Variants in ZBTB8A observed in about 807,000 individuals in gnomAD.
The protein encoded by ZBTB8A is zinc finger and BTB domain containing 8A.
Under a neutral mutation model 37.8 loss-of-function variants are expected in ZBTB8A, and 19 were observed. The observed-to-expected ratio is 0.50, with a 90% CI of 0.35 to 0.74. ZBTB8A has a LOEUF of 0.74. Among genes scored for constraint, ZBTB8A ranks in the 30% least tolerant of loss-of-function variants. ZBTB8A has a pLI of 0.01. For synonymous variants in ZBTB8A, 181 were observed against 185.2 expected, an observed-to-expected ratio of 0.98 and a Z score of 0.19; for missense variants, 394 against 537.8, an observed-to-expected ratio of 0.73 and a Z score of 2.65.
intron 2 of ZBTB8A, among the ~76,000 whole-genome samples, chr1:32,582,923 C>T (rs1374841699): frequency 6.6e-6 from 1 of 152,012 alleles, no homozygotes; most frequent in Non-Finnish European, 1.5e-5. Context: ...TTTGGGATTT[C>T]GAAGCCCATT....
chr1:32,543,927 C>T (rs374278657), intron 1 of ZBTB8A, among the ~76,000 whole-genome samples: 1 of 152,166 alleles, frequency 6.6e-6, no homozygotes, highest in Non-Finnish European at 1.5e-5. Flanking sequence ...CCGCCCGCCT[C>T]GGCCTCCCAA....
At chr1:32,562,120 TG>T (rs1387876475) in intron 2 of ZBTB8A, among the ~76,000 whole-genome samples, 7 of 144,348 alleles carry the variant, frequency 4.8e-5, no homozygotes, top group Admixed American at 2.7e-4. Context: ...AATTTTTGTT[TG>T]TTTTTTTTTT....
At chr1:32,597,286 C>T (rs1416337542) in intron 4 of ZBTB8A, among the ~76,000 whole-genome samples, 1 of 152,088 alleles carries the variant, frequency 6.6e-6, no homozygotes, top group African/African-American at 2.4e-5. Context: ...TGAGCCACCA[C>T]GTCTGCTGGT....
Position 32,551,025 on chromosome 1 carries a change from GC to G in ZBTB8A, c.-83-2431del, listed in dbSNP as rs1409666883. 2.0e-5 allele frequency among the ~76,000 whole-genome samples: 3 copies of G among 151,494 alleles called. No individual in the cohort carries two copies. In the East Asian group the frequency reaches 5.8e-4, roughly 29 times the overall value. On this transcript the variant is annotated intron_variant, in intron 1 of 4. Transcript: ENST00000373510. ...CAGTACGCTGGACAGTAGTTAATAT[GC>G]CCTTAAGTGGCAGTGTTGAAGCAGT...
chr1:32,599,903 G>T (rs1644562754), intron 4 of ZBTB8A, among the ~76,000 whole-genome samples, 184 bp from the exon 5 acceptor site: 1 of 152,070 alleles, frequency 6.6e-6, no homozygotes, highest in Admixed American at 6.6e-5. Context: ...AGAGAAAGCT[G>T]ATGTTTAATA....
chr1:32,541,654 C>G (rs1644055657), intron 1 of ZBTB8A, among the ~76,000 whole-genome samples: 1 of 152,192 alleles, frequency 6.6e-6, no homozygotes, highest in African/African-American at 2.4e-5. Flanking sequence ...GTGAGGGCTG[C>G]TCTTTGCTTC....
At chr1:32,578,109 C>G (rs1020557728) in intron 2 of ZBTB8A, among the ~76,000 whole-genome samples, 1 of 151,796 alleles carries the variant, frequency 6.6e-6, no homozygotes, top group Non-Finnish European at 1.5e-5. Context: ...GAGTCTTGCT[C>G]TGTCGCCCAG....
intron 2 of ZBTB8A, among the ~76,000 whole-genome samples, chr1:32,592,256 T>C (rs910987034): frequency 6.6e-6 from 1 of 152,088 alleles, no homozygotes; most frequent in African/African-American, 2.4e-5. Flanking sequence ...CTGATTATTA[T>C]TTTAGTTGAC....
chr1:32,540,553 C>G (rs1252430898), intron 1 of ZBTB8A, among the ~76,000 whole-genome samples: 1 of 152,138 alleles, frequency 6.6e-6, no homozygotes, highest in African/African-American at 2.4e-5. Context: ...GCTAGGGTGA[C>G]CATAGCCGCC....
At chr1:32,544,399 A>G (rs767082781) in intron 1 of ZBTB8A, among the ~76,000 whole-genome samples, 1 of 152,204 alleles carries the variant, frequency 6.6e-6, no homozygotes, top group African/African-American at 2.4e-5. Flanking sequence ...GTATCTAAAC[A>G]TATCTAAACA....
intron 2 of ZBTB8A, among the ~76,000 whole-genome samples, chr1:32,569,221 T>C (rs1644306698): frequency 6.6e-6 from 1 of 152,072 alleles, no homozygotes; most frequent in Admixed American, 6.6e-5. Flanking sequence ...CATCTTTTCA[T>C]GTGCTTATTT....
chr1:32,553,886 C>CAAA (rs34338542), intron 2 of ZBTB8A, among the ~76,000 whole-genome samples: 2 of 77,128 alleles, frequency 2.6e-5, no homozygotes, highest in African/African-American at 5.5e-5. Context: ...AACTCTGTCT[C>CAAA]AAAAAAAAAA....
chr1:32,595,015 T>G (rs1476034075), intron 3 of ZBTB8A, 39 bp from the exon 4 acceptor site: 8 of 1,573,094 alleles, frequency 5.1e-6, no homozygotes, highest in African/African-American at 1.4e-5. Context: ...AGAATTGTTA[T>G]GAACTTTCCA....
chr1:32,563,939 TTAA>T (rs1263913370), intron 2 of ZBTB8A, among the ~76,000 whole-genome samples: 1 of 152,192 alleles, frequency 6.6e-6, no homozygotes, highest in Admixed American at 6.6e-5. Context: ...ATCTTGCTTC[TTAA>T]TAATGTTATT....
Position 32,583,645 on chromosome 1 carries a change from A to G in ZBTB8A, c.-1-9286A>G, listed in dbSNP as rs182929331. On this transcript the variant is annotated intron_variant, in intron 2 of 4. Coordinates refer to ENST00000373510, the MANE Select transcript of ZBTB8A (RefSeq NM_001040441.3). ...TGGAAATAAGGCCATTGAAGATGTA[A>G]TTAAATTAAGACATGGTCACTAGGG... Among the ~76,000 whole-genome samples the G allele has an allele frequency of 1.2e-3, 182 of 152,266 alleles. 1 individual carries two copies. Among genetic ancestry groups the G allele is most frequent in the African/African-American group, 3.9e-3 (160 of 41,556 alleles).
At chr1:32,581,111 T>C (rs981740225) in intron 2 of ZBTB8A, among the ~76,000 whole-genome samples, 1 of 50,274 alleles carries the variant, frequency 2.0e-5, no homozygotes, top group African/African-American at 6.3e-5. Context: ...ATATATATAA[T>C]ATATAATATA....
intron 2 of ZBTB8A, among the ~76,000 whole-genome samples, chr1:32,578,266 G>A (rs2148238204): frequency 1.4e-5 from 2 of 146,652 alleles, no homozygotes; most frequent in East Asian, 4.0e-4. Context: ...TTGTAGAGAT[G>A]GGATTTTGCC....
At chr1:32,573,318 C>T (rs1644336440) in intron 2 of ZBTB8A, among the ~76,000 whole-genome samples, 1 of 151,056 alleles carries the variant, frequency 6.6e-6, no homozygotes, top group Non-Finnish European at 1.5e-5. Context: ...TCGTGATCTG[C>T]CCGCCTCGGC....
intron 1 of ZBTB8A, among the ~76,000 whole-genome samples, chr1:32,543,140 A>G (rs780649707): frequency 1.3e-5 from 2 of 151,808 alleles, no homozygotes; most frequent in South Asian, 2.1e-4. Flanking sequence ...CTGGAGTGCA[A>G]TGGTGTGATC....
Sources: gnomAD v4.1 joint callset for allele counts (sites outside exome capture counted in the v4.1 genomes callset) on GRCh38, gnomAD v4.1.1 for gene constraint, MANE v1.5 for transcripts, NCBI Gene and HGNC (gene_info 2026-07-23, HGNC 2026-07-21) for gene names.